Variants in BOD1 observed in about 807,000 individuals in gnomAD.
BOD1 encodes biorientation of chromosomes in cell division 1, also known as biorientation of chromosomes in cell division protein 1.
A neutral mutation model predicts 15.7 loss-of-function variants in BOD1; 11 were observed. The observed-to-expected ratio is 0.70, with a 90% CI of 0.44 to 1.16. BOD1 has a LOEUF of 1.16. Ranked by LOEUF, BOD1 falls within the 50% of genes most tolerant of loss-of-function variation. BOD1 has a pLI of 0.00. For synonymous variants in BOD1, 105 were observed against 103.5 expected (o/e 1.01, Z -0.09); for missense variants, 182 against 244.5 (o/e 0.74, Z 1.70).
chr5:173,608,036 T>C lies in BOD1; in HGVS notation c.*258A>G, dbSNP rs2113321284. The C allele has an allele frequency of 5.5e-6, 3 of 544,604 alleles. No individual in the cohort carries two copies. The highest frequency in any genetic ancestry group is 6.6e-6 in the Non-Finnish European group (2 of 304,260). 33.7% of individuals were successfully genotyped at this position (544,604 alleles called of 1,614,324 possible). A position where few individuals can be genotyped will look rare whatever the true frequency, so the allele number is the denominator to read the frequency against. On this transcript the variant is annotated 3_prime_UTR_variant, in exon 4 of 4. Transcript: ENST00000311086. The stretch of plus-strand genomic sequence containing the variant: ...GGACAACCCTGGGTTGCTGTAGTGT[T>C]TCTCTCTCTGTAGTGTCTACTTGGT...
chr5:173,611,109 C>CA, intron 2 of BOD1, among the ~76,000 whole-genome samples: 1 of 152,304 alleles, frequency 6.6e-6, no homozygotes, highest in African/African-American at 2.4e-5. Flanking sequence ...TCAGGGGAAA[C>CA]AAACTACCAA....
Position 173,609,283 on chromosome 5 carries a change from G to A in BOD1, c.514C>T (p.Pro172Ser). Residue 172 changes from proline to serine, a missense_variant, in exon 3 of 4, where the codon CCC becomes TCC. By Grantham distance (74) the Pro-to-Ser change is moderately conservative. Around this residue, in one of 3 missense-constraint regions of BOD1, gnomAD observed 40 missense variants for 45.3 expected, o/e 0.88. Coordinates refer to ENST00000311086, the MANE Select transcript of BOD1 (RefSeq NM_138369.3). ...KAAVPAPPPE[P>S]EGQDPPAPSQ... ...GGAGCTGGAGGGTCCTGGCCTTCGG[G>A]CTCTGGAGGGGGTGCTGGCACAGCT... The A allele has an allele frequency of 1.9e-6, 3 of 1,614,206 alleles. No individual in the cohort carries two copies. Among genetic ancestry groups the A allele is most frequent in the Non-Finnish European group, 2.5e-6 (3 of 1,180,032 alleles).
At position 173,616,290 on chromosome 5, in the gene BOD1, C is replaced by T. The variant is rs748083915; in HGVS notation, c.147G>A (p.Pro49=). 24 of 1,547,260 alleles carry T rather than the reference C, an allele frequency of 1.6e-5. No homozygotes were observed. The highest frequency in any genetic ancestry group is 1.7e-5 in the Non-Finnish European group (20 of 1,149,162). The change falls in exon 1 of 4, where the codon CCG becomes CCA. Residue 49 remains proline, a synonymous_variant. Transcript: ENST00000311086. ...INPASLPPGD[P]QLIALIVEQL... Reference sequence around the variant, plus strand: ...GCTCCACGATGAGAGCGATGAGCTGCGGGTCGCCGGGAGGCAGCGAGGCCG... The same window carrying T: ...GCTCCACGATGAGAGCGATGAGCTGTGGGTCGCCGGGAGGCAGCGAGGCCG...
At chr5:173,610,899 C>T (rs964535629) in intron 2 of BOD1, among the ~76,000 whole-genome samples, 3 of 152,192 alleles carry the variant, frequency 2.0e-5, no homozygotes, top group African/African-American at 7.2e-5. Flanking sequence ...AGTTAGCGAG[C>T]TCTCTTTCCA....
In BOD1 at chr5:173,607,799, G is replaced by A. The variant is rs1368153252; in HGVS notation, c.*495C>T. 6.5e-6 allele frequency: 1 copy of A among 154,818 alleles called. No homozygotes were observed. Among genetic ancestry groups the A allele is most frequent in the African/African-American group, 2.4e-5 (1 of 41,504 alleles). 9.6% of individuals were successfully genotyped at this position (154,818 alleles called of 1,614,324 possible). ...GGTCACAACTTTAAAGCTATCTGAC[G>A]CTAATGACTTGTACAATCTGGTTTG... On this transcript the variant is annotated 3_prime_UTR_variant, in exon 4 of 4. Coordinates refer to ENST00000311086, the MANE Select transcript of BOD1 (RefSeq NM_138369.3).
chr5:173,609,563 G>C, intron 2 of BOD1, 129 bp from the exon 3 acceptor site: 1 of 904,716 alleles, frequency 1.1e-6, no homozygotes. Flanking sequence ...GGAGTTTAGA[G>C]GTCAATCCAC....
At position 173,608,087 on chromosome 5, in the gene BOD1, A is replaced by T; in HGVS notation, c.*207T>A. 1 of 618,932 alleles carries T rather than the reference A, an allele frequency of 1.6e-6. No homozygotes were observed. The highest frequency in any genetic ancestry group is 2.9e-6 in the Non-Finnish European group (1 of 344,414). The allele number at this position is 618,932 out of a possible 1,614,324, so 38.3% of individuals were successfully genotyped here. ...GTCATGCCCTTGGACAGGCTGGCCA[A>T]ATGGCAGCACAATGCAGGGGGTGAC... is the stretch of plus-strand genomic sequence containing the variant. On this transcript the variant is annotated 3_prime_UTR_variant, in exon 4 of 4. Transcript: ENST00000311086.
intron 2 of BOD1, among the ~76,000 whole-genome samples, chr5:173,611,660 G>C (rs1340666269): frequency 6.6e-6 from 1 of 152,188 alleles, no homozygotes. Flanking sequence ...AGGCTGTTTC[G>C]GGGGTGTGAG....
chr5:173,608,152 A>T lies in BOD1; in HGVS notation c.*142T>A. Reference sequence around the variant, plus strand: ...CACTGCCGAACTTGCTCCCCTTTCAATCTGGTCACTGCCCATGGTCAAGGT... The same window carrying T: ...CACTGCCGAACTTGCTCCCCTTTCATTCTGGTCACTGCCCATGGTCAAGGT... On this transcript the variant is annotated 3_prime_UTR_variant, in exon 4 of 4. Transcript: ENST00000311086. 3 of 1,030,716 alleles carry T rather than the reference A, an allele frequency of 2.9e-6. No homozygotes were observed. The highest frequency in any genetic ancestry group is 4.5e-6 in the Non-Finnish European group (3 of 660,178). The allele number at this position is 1,030,716 out of a possible 1,614,324, so 63.8% of individuals were successfully genotyped here. A position where few individuals can be genotyped will look rare whatever the true frequency, so the allele number is the denominator to read the frequency against.
rs188719140 is a variant in BOD1 at position 173,613,112 on chromosome 5, T to G, written c.362+19A>C. On this transcript the variant is annotated intron_variant, in intron 2 of 3. Coordinates refer to ENST00000311086, the MANE Select transcript of BOD1 (RefSeq NM_138369.3). Reference sequence around the variant, plus strand: ...TGTGATGACTGCCTTTTCAAAAGCTTTAAATTCTGCTTACTTACTGAACCA... The same window carrying G: ...TGTGATGACTGCCTTTTCAAAAGCTGTAAATTCTGCTTACTTACTGAACCA... The G allele has an allele frequency of 2.0e-5, 29 of 1,475,048 alleles. No homozygotes were observed. Among genetic ancestry groups the G allele is most frequent in the Non-Finnish European group, 2.4e-5 (26 of 1,102,128 alleles). 91.4% of individuals were successfully genotyped at this position (1,475,048 alleles called of 1,614,324 possible).
Position 173,616,319 on chromosome 5 carries a change from T to C in BOD1, c.118A>G (p.Asn40Asp). 6.5e-7 allele frequency: 1 copy of C among 1,535,570 alleles called. No individual in the cohort carries two copies. The highest frequency in any genetic ancestry group is 8.7e-7 in the Non-Finnish European group (1 of 1,145,516). ...TCGCCGGGAGGCAGCGAGGCCGGGT[T>C]GATGGGGCCACCGCCCCCGCTGGCC... is the stretch of plus-strand genomic sequence containing the variant. Reference protein sequence around the residue: ...TGASGGGGPINPASLPPGDPQ... With the variant: ...TGASGGGGPIDPASLPPGDPQ... The change falls in exon 1 of 4, where the codon AAC becomes GAC. Residue 40 changes from asparagine (N) to aspartate (D), a missense_variant. Physicochemically the swap from Asn to Asp is conservative, Grantham distance 23. Coordinates refer to ENST00000311086, the MANE Select transcript of BOD1 (RefSeq NM_138369.3).
At chr5:173,611,654 T>C (rs1217588095) in intron 2 of BOD1, among the ~76,000 whole-genome samples, 1 of 152,172 alleles carries the variant, frequency 6.6e-6, no homozygotes, top group Non-Finnish European at 1.5e-5. Context: ...GGAGCTAGGC[T>C]GTTTCGGGGG....
chr5:173,616,195 G>T lies in BOD1; in HGVS notation c.237+5C>A. Reference sequence around the variant, plus strand: ...GCTCCCCAACGCCCAGGCGGCCGCAGCTACCTTGGTGTCCACGTCGGCCAG... The same window carrying T: ...GCTCCCCAACGCCCAGGCGGCCGCATCTACCTTGGTGTCCACGTCGGCCAG... On this transcript the variant is annotated splice_donor_5th_base_variant and intron_variant, in intron 1 of 3. Transcript: ENST00000311086. 1 of 1,576,084 alleles carries T rather than the reference G, an allele frequency of 6.3e-7. No homozygotes were observed. The highest frequency in any genetic ancestry group is 1.8e-5 in the Admixed American group (1 of 55,568).
rs1755227450 is a variant in BOD1 at position 173,607,369 on chromosome 5, C to G, written c.*925G>C. 6.6e-6 allele frequency: 1 copy of G among 152,178 alleles called. No homozygotes were observed. Among genetic ancestry groups the G allele is most frequent in the South Asian group, 2.1e-4 (1 of 4,836 alleles). The allele number at this position is 152,178 out of a possible 1,614,324, so 9.4% of individuals were successfully genotyped here. On this transcript the variant is annotated 3_prime_UTR_variant, in exon 4 of 4. Transcript: ENST00000311086. ...AGTAATGGCTCAGGGAGGAGAGAAA[C>G]AGCCCACTACTAGCTACACCTACTA...
Position 173,616,545 on chromosome 5 carries a change from A to C in BOD1, c.-109T>G. The C allele has an allele frequency of 7.1e-7, 1 of 1,402,038 alleles. No homozygotes were observed. The highest frequency in any genetic ancestry group is 9.2e-7 in the Non-Finnish European group (1 of 1,085,412). The allele number at this position is 1,402,038 out of a possible 1,614,324, so 86.8% of individuals were successfully genotyped here. A position where few individuals can be genotyped will look rare whatever the true frequency, so the allele number is the denominator to read the frequency against. On this transcript the variant is annotated 5_prime_UTR_variant, in exon 1 of 4. Coordinates refer to ENST00000311086, the MANE Select transcript of BOD1 (RefSeq NM_138369.3). ...GGGGCGGTGAAGGAGGAGGGCCCCA[A>C]GGCGGCAGCGGCGGAGGTGGCGATG...
At chr5:173,608,696 C>T (rs1755269953) in intron 3 of BOD1, among the ~76,000 whole-genome samples, 1 of 152,228 alleles carries the variant, frequency 6.6e-6, no homozygotes, top group African/African-American at 2.4e-5. Context: ...ACATCTACAG[C>T]TGTTTAAAAT....
chr5:173,609,146 G>T, intron 3 of BOD1, 92 bp downstream of exon 3: 1 of 1,300,488 alleles, frequency 7.7e-7, no homozygotes, highest in Non-Finnish European at 1.0e-6. Context: ...CTTCCTGAAT[G>T]ATCCTCAATT....
At chr5:173,610,053 A>C (rs1214679926) in intron 2 of BOD1, among the ~76,000 whole-genome samples, 1 of 152,246 alleles carries the variant, frequency 6.6e-6, no homozygotes, top group African/African-American at 2.4e-5. Flanking sequence ...GGGCTAAATT[A>C]CATCCCCGAT....
chr5:173,616,189 G>A lies in BOD1; in HGVS notation c.237+11C>T, dbSNP rs936930422. On this transcript the variant is annotated intron_variant, in intron 1 of 3. Transcript: ENST00000311086. ...AGCCCCGCTCCCCAACGCCCAGGCG[G>A]CCGCAGCTACCTTGGTGTCCACGTC... 6.4e-7 allele frequency: 1 copy of A among 1,572,916 alleles called. No homozygotes were observed. The highest frequency in any genetic ancestry group is 1.2e-5 in the South Asian group (1 of 85,978).
Sources: allele counts gnomAD v4.1 joint callset (sites outside exome capture counted in the v4.1 genomes callset), GRCh38; gene constraint gnomAD v4.1.1; regional missense constraint gnomAD v4.1.1; transcripts MANE v1.5; gene names NCBI Gene and HGNC (gene_info 2026-07-23, HGNC 2026-07-21).